The following NCR1 variants were observed in gnomAD, a reference collection of about 807,000 sequenced individuals.
The protein encoded by NCR1 is NK cell-activating receptor.
A neutral mutation model predicts 32.5 loss-of-function variants in NCR1; 30 were observed. That is an observed-to-expected ratio of 0.92 (90% CI 0.69 to 1.25). The LOEUF (loss-of-function observed/expected upper bound fraction) is 1.25. NCR1 is among the 50% of genes most tolerant of loss of function. NCR1 has a pLI of 0.00. For missense variants in NCR1, 369 were observed against 380.7 expected (o/e 0.97, Z 0.26); for synonymous variants, 169 against 143.4 (o/e 1.18, Z -1.28).
At chr19:54,935,908 G>A in the NCR1 span, among the ~76,000 whole-genome samples, 61 of 149,910 alleles carry the variant, frequency 4.1e-4, no homozygotes, top group African/African-American at 1.1e-3. Flanking sequence ...CCCCAAACCC[G>A]TCTGTGGAAA....
chr19:54,921,510 G>T, the NCR1 span, among the ~76,000 whole-genome samples: 72 of 152,246 alleles, frequency 4.7e-4, no homozygotes, highest in Admixed American at 1.2e-3. Context: ...AGTGGCTCAC[G>T]CCTGTCATCC....
the NCR1 span, among the ~76,000 whole-genome samples, chr19:54,924,936 C>A: frequency 6.6e-6 from 1 of 152,022 alleles, no homozygotes; most frequent in Admixed American, 6.6e-5. Context: ...GACTCTGCCT[C>A]CAAATAAATA....
the NCR1 span, among the ~76,000 whole-genome samples, chr19:54,921,792 A>G: frequency 5.8e-5 from 8 of 138,284 alleles, no homozygotes; most frequent in African/African-American, 2.0e-4. Context: ...AAAAAAAAAA[A>G]AAAGAAAAGA....
downstream of NCR1, among the ~76,000 whole-genome samples, chr19:54,919,611 C>T (rs1224347130): frequency 6.6e-6 from 1 of 151,744 alleles, no homozygotes; most frequent in Non-Finnish European, 1.5e-5. Flanking sequence ...CACAGGGAGA[C>T]GGTTAGGCCT....
At chr19:54,906,063 C>A, upstream of NCR1, 1 of 1,144,456 alleles carries the variant, frequency 8.7e-7, no homozygotes, top group Non-Finnish European at 1.3e-6. Flanking sequence ...CTGATGAAAG[C>A]AGTCAACGTG....
upstream of NCR1, among the ~76,000 whole-genome samples, chr19:54,902,949 G>A (rs2067326476): frequency 6.6e-6 from 1 of 152,068 alleles, no homozygotes. Context: ...GGCCAACATG[G>A]GGAAACCCTG....
At chr19:54,900,012 AAG>A in the NCR1 span, among the ~76,000 whole-genome samples, 5 of 152,130 alleles carry the variant, frequency 3.3e-5, no homozygotes, top group Non-Finnish European at 5.9e-5. Context: ...GAGGTTGGAG[AAG>A]AGAGTAAAAA....
At chr19:54,905,239 A>C (rs1032904315), upstream of NCR1, among the ~76,000 whole-genome samples, 2 of 152,072 alleles carry the variant, frequency 1.3e-5, no homozygotes, top group Non-Finnish European at 2.9e-5. Flanking sequence ...CCACAATCTC[A>C]CCAGCATCTG....
At chr19:54,931,267 A>G in the NCR1 span, among the ~76,000 whole-genome samples, 1 of 151,994 alleles carries the variant, frequency 6.6e-6, no homozygotes. Flanking sequence ...ACTAAAAAAT[A>G]CAAAAATCGG....
chr19:54,923,586 C>T, the NCR1 span: 1 of 861,804 alleles, frequency 1.2e-6, no homozygotes, highest in East Asian at 2.4e-5. Context: ...GTGACTCGTG[C>T]AGAATCTCCC....
the NCR1 span, among the ~76,000 whole-genome samples, chr19:54,900,461 A>C: frequency 3.9e-5 from 6 of 152,162 alleles, no homozygotes; most frequent in African/African-American, 1.4e-4. Flanking sequence ...TAATGTCATC[A>C]CTTAAGGCAA....
the NCR1 span, among the ~76,000 whole-genome samples, chr19:54,899,528 G>A: frequency 4.6e-5 from 7 of 151,906 alleles, no homozygotes; most frequent in Non-Finnish European, 8.8e-5. Flanking sequence ...ACAAGAGGTC[G>A]GGGTGTGGAA....
chr19:54,919,400 G>T (rs1185943905), downstream of NCR1, among the ~76,000 whole-genome samples: 3 of 152,230 alleles, frequency 2.0e-5, no homozygotes, highest in African/African-American at 7.2e-5. Flanking sequence ...CGTGTCCACT[G>T]GACAGGGGGC....
the NCR1 span, chr19:54,923,810 T>C: frequency 6.2e-7 from 1 of 1,614,092 alleles, no homozygotes; most frequent in Non-Finnish European, 8.5e-7. Flanking sequence ...CAGCTTGGGA[T>C]TCTTTTCTTT....
At chr19:54,909,971 G>A in intron 4 of NCR1, 47 bp from the exon 5 acceptor site, 1 of 1,480,484 alleles carries the variant, frequency 6.8e-7, no homozygotes, top group Non-Finnish European at 9.3e-7. Context: ...GGCAAGACCG[G>A]AGGAAACCAA....
chr19:54,912,042 T>TG, intron 5 of NCR1, 126 bp from the exon 6 acceptor site: 1 of 801,486 alleles, frequency 1.2e-6, no homozygotes, highest in Admixed American at 2.0e-5. Flanking sequence ...ATGAAGCTCC[T>TG]GGGACCCGCA....
chr19:54,923,545 G>C, the NCR1 span: 1 of 657,988 alleles, frequency 1.5e-6, no homozygotes, highest in African/African-American at 1.8e-5. Flanking sequence ...ATCCCTGTGA[G>C]AAAGTACATA....
At position 54,909,614 on chromosome 19, in the gene NCR1, A is replaced by T. The variant is rs752982095; in HGVS notation, c.634+91A>T. 445 of 1,459,296 alleles carry T rather than the reference A, an allele frequency of 3.0e-4. 2 individuals are homozygous for T. The highest frequency in any genetic ancestry group is 8.7e-5 in the Admixed American group (4 of 45,964). 90.4% of individuals were successfully genotyped at this position (1,459,296 alleles called of 1,614,324 possible). A position where few individuals can be genotyped will look rare whatever the true frequency, so the allele number is the denominator to read the frequency against. On this transcript the variant is annotated intron_variant, in intron 4 of 6. Coordinates refer to ENST00000291890, the MANE Select transcript of NCR1 (RefSeq NM_004829.7). ...CCAGAGAGTGATGGGGAGGGTGTCC[A>T]AGGGACGTCCACTTCCTGGGTGCCT...
chr19:54,903,514 A>ATGTATGTATACACGCATG (rs1264324192), upstream of NCR1, among the ~76,000 whole-genome samples: 1 of 124,552 alleles, frequency 8.0e-6, no homozygotes, highest in Non-Finnish European at 1.7e-5. Context: ...ATACACGCAT[A>ATGTATGTATACACGCATG]CATGTGTGTA....
Sources: gnomAD v4.1 joint callset for allele counts (sites outside exome capture counted in the v4.1 genomes callset) on GRCh38, gnomAD v4.1.1 for gene constraint, MANE v1.5 for transcripts, NCBI Gene and HGNC (gene_info 2026-07-23, HGNC 2026-07-21) for gene names.